CRAMP1: variants seen among roughly 807,000 people sequenced by gnomAD.
CRAMP1 encodes protein cramped-like.
CRAMP1 carries 50 observed loss-of-function variants against 115.4 expected under a neutral mutation model. The ratio of observed to expected loss-of-function variants is 0.43; its 90% CI spans 0.35 to 0.55. CRAMP1 has a LOEUF of 0.55. Among genes scored for constraint, CRAMP1 ranks in the 20% least tolerant of loss-of-function variants. The pLI is 0.01. For missense variants in CRAMP1, 1,679 were observed against 1,721.7 expected (o/e 0.98, Z 0.44); for synonymous variants, 866 against 745.4 (o/e 1.16, Z -2.64).
At position 1,652,535 on chromosome 16, in the gene CRAMP1, C is replaced by T. The variant is rs1311290408; in HGVS notation, c.867C>T (p.Ile289=). 4 of 1,552,812 alleles carry T rather than the reference C, an allele frequency of 2.6e-6. No individual in the cohort carries two copies. The highest frequency in any genetic ancestry group is 3.5e-6 in the Non-Finnish European group (4 of 1,147,582). The change falls in exon 7 of 21, where the codon ATC becomes ATT. Residue 289 remains isoleucine, a synonymous_variant. Coordinates refer to ENST00000397412, the MANE Select transcript of CRAMP1 (RefSeq NM_020825.4). ...GTTACAAAGGGCGGAACCTGCGGAT[C>T]AAAGCGCCCATGTGCCGGGCCCTGA... is the stretch of plus-strand genomic sequence containing the variant. ...TVRYKGRNLR[I]KAPMCRALKK...
rs765383864 is a variant in CRAMP1 at position 1,655,171 on chromosome 16, C to T, written c.1038-48C>T. ...AGCCTCGGGACTCTTCAGATGGTTT[C>T]CTTCCTGTTCTGCGAACCTCACTTC... On this transcript the variant is annotated intron_variant, in intron 8 of 20. Transcript: ENST00000397412. 5.3e-6 allele frequency: 8 copies of T among 1,508,686 alleles called. No homozygotes were observed. In the South Asian group the frequency reaches 9.0e-5, roughly 17 times the overall value. The allele number at this position is 1,508,686 out of a possible 1,614,324, so 93.5% of individuals were successfully genotyped here. A position where few individuals can be genotyped will look rare whatever the true frequency, so the allele number is the denominator to read the frequency against.
chr16:1,643,718 A>T (rs1401266772), intron 6 of CRAMP1, among the ~76,000 whole-genome samples: 2 of 152,238 alleles, frequency 1.3e-5, no homozygotes, highest in Non-Finnish European at 2.9e-5. Flanking sequence ...GAGCTTATGC[A>T]GCACGCTTGG....
In CRAMP1 at chr16:1,656,290, G is replaced by C. The variant is rs1257590092; in HGVS notation, c.1533G>C (p.Arg511Ser). 2.5e-6 allele frequency: 4 copies of C among 1,611,778 alleles called. No homozygotes were observed. Among genetic ancestry groups the C allele is most frequent in the African/African-American group, 1.3e-5 (1 of 74,926 alleles). The part of the protein sequence containing the change: ...LSLSSPDAPD[R>S]PPPRHQDTGP... ...TGAGCAGCCCGGACGCTCCTGACAGGCCTCCTCCCAGGCACCAGGACACTG... is the reference window on the plus strand; with the variant it reads ...TGAGCAGCCCGGACGCTCCTGACAGCCCTCCTCCCAGGCACCAGGACACTG... Residue 511 changes from arginine to serine, a missense_variant, in exon 10 of 21, where the codon AGG (arginine) becomes AGC (serine). This residue lies in a region of CRAMP1 where 405 missense variants were observed against 302.6 expected (regional missense o/e 1.34). Coordinates refer to ENST00000397412, the MANE Select transcript of CRAMP1 (RefSeq NM_020825.4). This position sits in a 1 kb window ranked among gnomAD's most constrained non-coding sequence, Gnocchi z 5.6.
chr16:1,667,555 G>A, intron 17 of CRAMP1, 155 bp downstream of exon 17: 1 of 662,838 alleles, frequency 1.5e-6, no homozygotes, highest in South Asian at 1.7e-5. Context: ...GACTGCCCAG[G>A]GTGGATAAAT....
intron 6 of CRAMP1, among the ~76,000 whole-genome samples, chr16:1,648,458 A>T (rs1198900307): frequency 6.6e-6 from 1 of 151,772 alleles, no homozygotes; most frequent in Non-Finnish European, 1.5e-5. Context: ...ACAAAAAATT[A>T]GCCAGGGGTG....
intron 2 of CRAMP1, among the ~76,000 whole-genome samples, chr16:1,624,669 C>T (rs915956462): frequency 6.6e-6 from 1 of 152,190 alleles, no homozygotes; most frequent in Non-Finnish European, 1.5e-5. Context: ...ACCACTGCCT[C>T]CCAGGTTCAA....
chr16:1,645,859 A>G (rs1463126112), intron 6 of CRAMP1, among the ~76,000 whole-genome samples: 1 of 152,024 alleles, frequency 6.6e-6, no homozygotes, highest in African/African-American at 2.4e-5. Flanking sequence ...GTTTTCACAA[A>G]TTTGTAGAGT....
intron 3 of CRAMP1, among the ~76,000 whole-genome samples, chr16:1,631,370 C>T (rs1346036642): frequency 1.3e-5 from 2 of 152,250 alleles, no homozygotes; most frequent in East Asian, 1.9e-4. Flanking sequence ...ACGTCCCCAT[C>T]GCCTGCCAGT....
Position 1,632,295 on chromosome 16 carries a change from C to T in CRAMP1, c.624C>T (p.Asn208=). Reference sequence around the variant, plus strand: ...GCAAGCCAGCAAGCATGGTGAAGAACAAGGAGCAGGTCCGCCACTTCTACT... The same window carrying T: ...GCAAGCCAGCAAGCATGGTGAAGAATAAGGAGCAGGTCCGCCACTTCTACT... ...KKGKPASMVK[N]KEQVRHFYYR... The change falls in exon 4 of 21, where the codon AAC becomes AAT. Residue 208 remains asparagine, a synonymous_variant. Coordinates refer to ENST00000397412, the MANE Select transcript of CRAMP1 (RefSeq NM_020825.4). The T allele has an allele frequency of 6.2e-7, 1 of 1,600,124 alleles. No homozygotes were observed. Among genetic ancestry groups the T allele is most frequent in the Middle Eastern group, 1.7e-4 (1 of 6,054 alleles).
chr16:1,642,717 G>A (rs1043368215), intron 6 of CRAMP1, among the ~76,000 whole-genome samples: 1 of 152,244 alleles, frequency 6.6e-6, no homozygotes. Context: ...TAGGCAAGGG[G>A]CTGTCCCATG....
In CRAMP1 at chr16:1,655,085, C is replaced by T. The variant is rs2036758706; in HGVS notation, c.1038-134C>T. 1.4e-5 allele frequency: 10 copies of T among 710,670 alleles called. No homozygotes were observed. The South Asian group carries it at 1.5e-4, about 11-fold the overall frequency. 44.0% of individuals were successfully genotyped at this position (710,670 alleles called of 1,614,324 possible). The stretch of plus-strand genomic sequence containing the variant: ...ACAGGAGCCAAGGGCCCTGCAGACG[C>T]CCGCTCCCGGGTGCCTCTCCAGAGG... On this transcript the variant is annotated intron_variant, in intron 8 of 20. Coordinates refer to ENST00000397412, the MANE Select transcript of CRAMP1 (RefSeq NM_020825.4).
intron 4 of CRAMP1, among the ~76,000 whole-genome samples, chr16:1,636,532 A>G (rs368450028): frequency 2.0e-5 from 3 of 152,188 alleles, no homozygotes; most frequent in Admixed American, 1.3e-4. Flanking sequence ...CTGCTTCTCC[A>G]TTTACCAGTC....
chr16:1,626,575 G>C (rs1038665815), intron 3 of CRAMP1, among the ~76,000 whole-genome samples: 10 of 151,666 alleles, frequency 6.6e-5, no homozygotes, highest in African/African-American at 2.4e-4. Context: ...GGTCAGTGTA[G>C]CTGAGAAACC....
chr16:1,641,035 G>T, intron 5 of CRAMP1, 104 bp from the exon 6 acceptor site: 1 of 753,816 alleles, frequency 1.3e-6, no homozygotes, highest in Non-Finnish European at 2.2e-6. Flanking sequence ...TTAATATTCG[G>T]TAATGGGATT....
intron 10 of CRAMP1, among the ~76,000 whole-genome samples, chr16:1,658,143 G>A (rs1034302554): frequency 7.9e-5 from 12 of 152,210 alleles, no homozygotes; most frequent in African/African-American, 2.9e-4. Context: ...TGGTCCATCA[G>A]CAGGTGGCAG....
At chr16:1,613,762 G>C (rs551477603) in intron 1 of CRAMP1, among the ~76,000 whole-genome samples, 1 of 152,254 alleles carries the variant, frequency 6.6e-6, no homozygotes, top group African/African-American at 2.4e-5. Context: ...CTTGCACCTG[G>C]ACCCGGACAT....
In CRAMP1 at chr16:1,662,802, G is replaced by A. The variant is rs766024674; in HGVS notation, c.2637G>A (p.Arg879=). The part of the protein sequence containing the change: ...DFFLPKPRKL[R]NRHLRKPLVV... ...TCCTGCCAAAGCCCCGGAAGCTGCG[G>A]AACCGGCACCTGCGGAAGCCACTGG... Residue 879 remains arginine (R), a synonymous_variant, in exon 13 of 21, where the codon CGG becomes CGA. Transcript: ENST00000397412. 1.2e-6 allele frequency: 2 copies of A among 1,613,874 alleles called. No homozygotes were observed. The highest frequency in any genetic ancestry group is 3.3e-5 in the Admixed American group (2 of 60,024).
chr16:1,666,478 G>T lies in CRAMP1; in HGVS notation c.2914G>T (p.Ala972Ser). 6.2e-7 allele frequency: 1 copy of T among 1,613,934 alleles called. No individual in the cohort carries two copies. The highest frequency in any genetic ancestry group is 8.5e-7 in the Non-Finnish European group (1 of 1,179,858). The change falls in exon 16 of 21, where the codon GCC becomes TCC. Residue 972 changes from alanine to serine, a missense_variant. This residue lies in a region of CRAMP1 where 709 missense variants were observed against 741.9 expected (regional missense o/e 0.96). Coordinates refer to ENST00000397412, the MANE Select transcript of CRAMP1 (RefSeq NM_020825.4). This position sits in a 1 kb window ranked among gnomAD's most constrained non-coding sequence, Gnocchi z 5.0. ...CATCCTTTCCGGGAACCCCCTCCCT[G>T]CCTTGGACACCGAGGGCTTGTCTGG... ...AGILSGNPLPALDTEGLSGIS... is the reference protein window; with the variant it reads ...AGILSGNPLPSLDTEGLSGIS...
chr16:1,655,639 C>T (rs955272487), intron 9 of CRAMP1, among the ~76,000 whole-genome samples: 17 of 152,194 alleles, frequency 1.1e-4, no homozygotes, highest in African/African-American at 3.6e-4. Flanking sequence ...ATGGCTGGCT[C>T]CCGGCCCTGC....
Sources: allele counts gnomAD v4.1 joint callset (sites outside exome capture counted in the v4.1 genomes callset), GRCh38; gene constraint gnomAD v4.1.1; regional missense constraint gnomAD v4.1.1; non-coding constraint Gnocchi (gnomAD v3.1); transcripts MANE v1.5; gene names NCBI Gene and HGNC (gene_info 2026-07-23, HGNC 2026-07-21).